SLC16A7: variants seen among roughly 807,000 people sequenced by gnomAD.
The protein encoded by SLC16A7 is monocarboxylate transporter 2.
In SLC16A7, 33 loss-of-function variants were observed where a neutral mutation model predicts 34.9. The observed-to-expected ratio is 0.94, with a 90% CI of 0.72 to 1.26. The LOEUF (loss-of-function observed/expected upper bound fraction) is 1.26, where lower values mean the gene tolerates loss of function less well. Ranked by LOEUF, SLC16A7 falls within the 50% of genes most tolerant of loss-of-function variation. The pLI is 0.00. For synonymous variants in SLC16A7, 201 were observed against 206.6 expected, an observed-to-expected ratio of 0.97 and a Z score of 0.23; for missense variants, 573 against 578.1, an observed-to-expected ratio of 0.99 and a Z score of 0.09.
At chr12:59,632,606 G>C (rs996385800) in intron 1 of SLC16A7, among the ~76,000 whole-genome samples, 1 of 151,912 alleles carries the variant, frequency 6.6e-6, no homozygotes, top group Non-Finnish European at 1.5e-5. Flanking sequence ...CCTTGCCCTA[G>C]TCCTGACACT....
intron 2 of SLC16A7, among the ~76,000 whole-genome samples, chr12:59,665,194 T>C (rs961444814): frequency 1.3e-4 from 20 of 152,252 alleles, no homozygotes; most frequent in Admixed American, 1.2e-3. Flanking sequence ...AAACTATCAA[T>C]TGTGGTTCTT....
intron 1 of SLC16A7, among the ~76,000 whole-genome samples, chr12:59,620,127 CTG>C: frequency 6.6e-6 from 1 of 151,842 alleles, no homozygotes; most frequent in Admixed American, 6.6e-5. Flanking sequence ...TGTGTTGATA[CTG>C]TGTGGTTTTT....
rs189368666 is a variant in SLC16A7, at chr12:59,664,308, G to A, written c.-31+9058G>A. ...TAGTAATTTCTTCTAAAACGAAGAT[G>A]GTACTAATGATCTATCACCAGATTC... is the stretch of plus-strand genomic sequence containing the variant. On this transcript the variant is annotated intron_variant, in intron 2 of 5. Coordinates refer to ENST00000547379, the MANE Select transcript of SLC16A7 (RefSeq NM_001270623.2). Among the ~76,000 whole-genome samples, 31 of 152,184 alleles carry A rather than the reference G, an allele frequency of 2.0e-4. 2 individuals carry two copies. Among genetic ancestry groups the A allele is most frequent in the African/African-American group, 7.0e-4 (29 of 41,548 alleles).
At chr12:59,653,127 A>G (rs1868374830) in intron 1 of SLC16A7, among the ~76,000 whole-genome samples, 1 of 151,878 alleles carries the variant, frequency 6.6e-6, no homozygotes, top group South Asian at 2.1e-4. Context: ...AAGACAAATG[A>G]AACTTTTACT....
intron 3 of SLC16A7, among the ~76,000 whole-genome samples, chr12:59,757,765 G>T (rs2706294): frequency 1.3e-5 from 2 of 151,846 alleles, no homozygotes; most frequent in East Asian, 3.9e-4. Flanking sequence ...CCTACTTAAC[G>T]TGAAGATAAT....
At chr12:59,656,876 T>TC (rs1450874483) in intron 2 of SLC16A7, among the ~76,000 whole-genome samples, 3 of 151,986 alleles carry the variant, frequency 2.0e-5, no homozygotes, top group African/African-American at 7.2e-5. Context: ...CTGCCTGTTC[T>TC]TATTAAGAGT....
chr12:59,710,222 A>G (rs1411160054), intron 3 of SLC16A7, among the ~76,000 whole-genome samples: 11 of 152,314 alleles, frequency 7.2e-5, no homozygotes, highest in Middle Eastern at 3.4e-3. Context: ...CAGTCAACCT[A>G]TTAATCACTA....
chr12:59,665,850 G>A (rs1869156700), intron 2 of SLC16A7, among the ~76,000 whole-genome samples: 1 of 151,432 alleles, frequency 6.6e-6, no homozygotes, highest in Non-Finnish European at 1.5e-5. Flanking sequence ...GTGTCTATGT[G>A]TGTGTGTCTT....
chr12:59,628,059 A>G (rs947622579), intron 1 of SLC16A7, among the ~76,000 whole-genome samples: 1 of 151,844 alleles, frequency 6.6e-6, no homozygotes, highest in Non-Finnish European at 1.5e-5. Context: ...CTTGAATCCA[A>G]CATCTTTCCA....
intron 1 of SLC16A7, among the ~76,000 whole-genome samples, chr12:59,600,780 T>C (rs1414486782): frequency 6.6e-6 from 1 of 152,188 alleles, no homozygotes; most frequent in Non-Finnish European, 1.5e-5. Flanking sequence ...GGGTGCACCA[T>C]AGACAATTTC....
chr12:59,668,545 G>A (rs1286357647), intron 2 of SLC16A7, among the ~76,000 whole-genome samples: 2 of 152,106 alleles, frequency 1.3e-5, no homozygotes, highest in East Asian at 3.9e-4. Context: ...CCCAATTTCT[G>A]CACCCCAGTT....
chr12:59,597,378 G>A (rs1878471441), intron 1 of SLC16A7, among the ~76,000 whole-genome samples: 1 of 151,980 alleles, frequency 6.6e-6, no homozygotes, highest in Admixed American at 6.6e-5. Flanking sequence ...AAGGAGATGC[G>A]GCAGAGGAAT....
At chr12:59,718,063 A>G (rs1398335554) in intron 3 of SLC16A7, among the ~76,000 whole-genome samples, 1 of 152,178 alleles carries the variant, frequency 6.6e-6, no homozygotes, top group African/African-American at 2.4e-5. Context: ...TGCTTTAGCT[A>G]AGTCATAAAT....
At chr12:59,752,659 G>C (rs1208730213) in intron 3 of SLC16A7, among the ~76,000 whole-genome samples, 1 of 152,202 alleles carries the variant, frequency 6.6e-6, no homozygotes, top group Non-Finnish European at 1.5e-5. Context: ...AGAGAGAATG[G>C]AACCAAGTTG....
chr12:59,748,535 G>A (rs192933969), intron 3 of SLC16A7, among the ~76,000 whole-genome samples: 11 of 152,052 alleles, frequency 7.2e-5, no homozygotes, highest in African/African-American at 1.7e-4. Flanking sequence ...ATCATGTTTC[G>A]TGCAATACCA....
Position 59,645,281 on chromosome 12 carries a change from A to G in SLC16A7, c.-129-9871A>G, listed in dbSNP as rs557034300. ...CTAAAAGAGAATAAAGCAGTGGTAT[A>G]GGGTCAGATCAGATAGCAAAACCAT... is the stretch of plus-strand genomic sequence containing the variant. On this transcript the variant is annotated intron_variant, in intron 1 of 5. Coordinates refer to ENST00000547379, the MANE Select transcript of SLC16A7 (RefSeq NM_001270623.2). 2.0e-5 allele frequency among the ~76,000 whole-genome samples: 3 copies of G among 152,312 alleles called. No individual in the cohort carries two copies. In the East Asian group the frequency reaches 5.8e-4, roughly 29 times the overall value.
chr12:59,776,676 T>C (rs1012142041), intron 5 of SLC16A7, among the ~76,000 whole-genome samples: 4 of 152,170 alleles, frequency 2.6e-5, no homozygotes, highest in African/African-American at 9.6e-5. Context: ...CATTGACCTT[T>C]TGTCTCTTCA....
intron 3 of SLC16A7, among the ~76,000 whole-genome samples, chr12:59,708,749 G>T (rs1393927718): frequency 6.6e-6 from 1 of 151,572 alleles, no homozygotes; most frequent in Non-Finnish European, 1.5e-5. Context: ...GTCTCTTGTA[G>T]TAATTAGTTG....
chr12:59,658,678 A>G (rs954359722), intron 2 of SLC16A7, among the ~76,000 whole-genome samples: 3 of 152,030 alleles, frequency 2.0e-5, no homozygotes, highest in Non-Finnish European at 2.9e-5. Context: ...ATATTCCACT[A>G]AGCCACTCAC....
Sources: allele counts gnomAD v4.1 joint callset (sites outside exome capture counted in the v4.1 genomes callset), GRCh38; gene constraint gnomAD v4.1.1; transcripts MANE v1.5; gene names NCBI Gene and HGNC (gene_info 2026-07-23, HGNC 2026-07-21).